Variants in LINGO1 observed in about 807,000 individuals in gnomAD.
LINGO1 encodes the protein leucine-rich repeat and immunoglobulin-like domain-containing nogo receptor-interacting protein 1.
LINGO1 carries 11 observed loss-of-function variants against 37.3 expected under a neutral mutation model. The observed-to-expected ratio is 0.29, with a 90% CI of 0.19 to 0.49. The LOEUF is 0.49. Ranked by LOEUF, LINGO1 falls within the 20% of genes least tolerant of loss-of-function variation. The pLI is 0.99. For missense variants in LINGO1, 585 were observed against 878.2 expected, an observed-to-expected ratio of 0.67 and a Z score of 4.22; for synonymous variants, 387 against 403.0, an observed-to-expected ratio of 0.96 and a Z score of 0.48.
At chr15:77,683,222 G>A (rs2141232330) in intron 2 of LINGO1, among the ~76,000 whole-genome samples, 1 of 152,288 alleles carries the variant, frequency 6.6e-6, no homozygotes, top group East Asian at 1.9e-4. Context: ...GATTGAGAAT[G>A]TTCAATGTGG....
intron 2 of LINGO1, among the ~76,000 whole-genome samples, chr15:77,705,173 T>TCACACACACACACACACACACACA (rs1187038083): frequency 2.3e-5 from 1 of 44,106 alleles, no homozygotes; most frequent in Non-Finnish European, 5.8e-5. Flanking sequence ...CCCCCTGCCA[T>TCACACACACACACACACACACACA]GACACACACA....
chr15:77,643,230 T>C (rs984177085), intron 3 of LINGO1, among the ~76,000 whole-genome samples: 4 of 152,204 alleles, frequency 2.6e-5, no homozygotes, highest in African/African-American at 9.6e-5. Flanking sequence ...GAGATGTCTT[T>C]CAGGTCCCCT....
intron 2 of LINGO1, among the ~76,000 whole-genome samples, chr15:77,722,735 C>CTGG (rs1449659665): frequency 1.4e-4 from 22 of 152,290 alleles, no homozygotes; most frequent in Non-Finnish European, 2.9e-4. Flanking sequence ...TCAAAATAAC[C>CTGG]TGGTGGTGGT....
rs2074283489 is a variant in LINGO1 at position 77,632,384 on chromosome 15, C to T, written c.-69G>A. ...TGTCTCTCCAGCCGGCCCGACCAGG[C>T]CCCAGCCCCTGCCCAGCCCCCTCCT... is the stretch of plus-strand genomic sequence containing the variant. On this transcript the variant is annotated 5_prime_UTR_variant, in exon 1 of 2. Coordinates refer to ENST00000355300, the MANE Select transcript of LINGO1 (RefSeq NM_032808.7). The surrounding 1 kb of genome is among the most constrained non-coding windows in gnomAD (Gnocchi z 6.0). 7.5e-7 allele frequency: 1 copy of T among 1,331,510 alleles called. No individual in the cohort carries two copies. The highest frequency in any genetic ancestry group is 9.6e-7 in the Non-Finnish European group (1 of 1,036,392). The allele number at this position is 1,331,510 out of a possible 1,614,324, so 82.5% of individuals were successfully genotyped here.
At chr15:77,741,024 G>C (rs1415572332) in intron 1 of LINGO1, among the ~76,000 whole-genome samples, 3 of 152,126 alleles carry the variant, frequency 2.0e-5, no homozygotes. Flanking sequence ...CCCCAAAAGA[G>C]CTCACACACC....
intron 2 of LINGO1, among the ~76,000 whole-genome samples, chr15:77,720,921 G>C (rs942138097): frequency 2.6e-5 from 4 of 151,890 alleles, no homozygotes; most frequent in Non-Finnish European, 4.4e-5. Context: ...TCCACCCACG[G>C]CTGAAGGACT....
At chr15:77,737,782 G>A (rs1350621344) in intron 1 of LINGO1, among the ~76,000 whole-genome samples, 1 of 152,048 alleles carries the variant, frequency 6.6e-6, no homozygotes, top group Non-Finnish European at 1.5e-5. Context: ...CCAGGACTCG[G>A]CCTCTCCTGG....
At chr15:77,788,690 T>C (rs1297099683), upstream of LINGO1, 3 of 152,248 alleles carry the variant, frequency 2.0e-5, no homozygotes, top group Non-Finnish European at 4.4e-5. Flanking sequence ...AAGCACCTTC[T>C]TATTCATTCT....
intron 2 of LINGO1, among the ~76,000 whole-genome samples, chr15:77,688,247 G>GC (rs977858767): frequency 2.8e-4 from 42 of 152,336 alleles, no homozygotes; most frequent in African/African-American, 9.4e-4. Flanking sequence ...GCCCAGCCAA[G>GC]CCCCCCACTG....
chr15:77,734,887 G>A (rs925665924), intron 2 of LINGO1: 4 of 152,360 alleles, frequency 2.6e-5, no homozygotes, highest in African/African-American at 9.6e-5. Context: ...GGGGGGTCCA[G>A]GAGATGGGAG....
intron 3 of LINGO1, among the ~76,000 whole-genome samples, chr15:77,658,128 G>C (rs1326113980): frequency 6.6e-6 from 1 of 152,176 alleles, no homozygotes; most frequent in Non-Finnish European, 1.5e-5. Flanking sequence ...TGTCTAGGAA[G>C]GTGAGGACTG....
At chr15:77,675,880 C>T (rs2075319125) in intron 3 of LINGO1, among the ~76,000 whole-genome samples, 1 of 152,196 alleles carries the variant, frequency 6.6e-6, no homozygotes, top group African/African-American at 2.4e-5. Context: ...ATCCCTGTTA[C>T]CCCCATCCCC....
chr15:77,788,331 C>A (rs72730727), upstream of LINGO1: 2 of 152,152 alleles, frequency 1.3e-5, no homozygotes, highest in African/African-American at 2.4e-5. Flanking sequence ...GTGCCAGACA[C>A]GGCTCTAAGC....
At chr15:77,800,152 G>A (rs1220267926) in intron 1 of LINGO1, among the ~76,000 whole-genome samples, 1 of 152,238 alleles carries the variant, frequency 6.6e-6, no homozygotes, top group African/African-American at 2.4e-5. Context: ...CAGGAAAAGA[G>A]TCTCTTCCAG....
intron 2 of LINGO1, among the ~76,000 whole-genome samples, chr15:77,725,784 G>A (rs556687601): frequency 1.3e-5 from 2 of 152,198 alleles, no homozygotes; most frequent in Non-Finnish European, 2.9e-5. Context: ...GTGGACTCCT[G>A]TGTTGAACAA....
chr15:77,791,444 A>T (rs2076818003), upstream of LINGO1, among the ~76,000 whole-genome samples: 1 of 152,068 alleles, frequency 6.6e-6, no homozygotes, highest in Non-Finnish European at 1.5e-5. Context: ...TTAAGAAAGC[A>T]TTCTACATGG....
intron 1 of LINGO1, among the ~76,000 whole-genome samples, chr15:77,803,912 C>T (rs190874964): frequency 2.6e-5 from 4 of 152,280 alleles, no homozygotes; most frequent in African/African-American, 9.6e-5. Context: ...AACACAAGAA[C>T]AGCCTAATAC....
intron 2 of LINGO1, among the ~76,000 whole-genome samples, chr15:77,688,977 T>C (rs551110098): frequency 2.6e-5 from 4 of 152,098 alleles, no homozygotes; most frequent in African/African-American, 9.6e-5. Flanking sequence ...CTTTCATCTG[T>C]GAAAAGGGTG....
chr15:77,615,490 G>A lies in LINGO1; in HGVS notation c.417C>T (p.Phe139=). 1 of 1,614,060 alleles carries A rather than the reference G, an allele frequency of 6.2e-7. No homozygotes were observed. Among genetic ancestry groups the A allele is most frequent in the Non-Finnish European group, 8.5e-7 (1 of 1,179,896 alleles). ...NRLKLIPLGV[F]TGLSNLTKLD... ...GCTTGGTCAGGTTGCTGAGGCCAGT[G>A]AAGACGCCTAGCGGGATGAGCTTCA... is the stretch of plus-strand genomic sequence containing the variant. Residue 139 remains phenylalanine, a synonymous_variant, in exon 2 of 2, where the codon TTC becomes TTT. Coordinates refer to ENST00000355300, the MANE Select transcript of LINGO1 (RefSeq NM_032808.7).
Sources: allele counts gnomAD v4.1 joint callset (sites outside exome capture counted in the v4.1 genomes callset), GRCh38; gene constraint gnomAD v4.1.1; non-coding constraint Gnocchi (gnomAD v3.1); transcripts MANE v1.5; gene names NCBI Gene and HGNC (gene_info 2026-07-23, HGNC 2026-07-21).